CDC42SE2: variants seen among roughly 807,000 people sequenced by gnomAD.
The protein encoded by CDC42SE2 is CDC42 small effector protein 2.
CDC42SE2 carries 3 observed loss-of-function variants against 11.5 expected under a neutral mutation model. The observed-to-expected ratio is 0.26, with a 90% confidence interval of 0.12 to 0.67. CDC42SE2 has a LOEUF of 0.67. Ranked by LOEUF, CDC42SE2 falls within the 30% of genes least tolerant of loss-of-function variation. The pLI is 0.80. For synonymous variants in CDC42SE2, 33 were observed against 34.8 expected (o/e 0.95, Z 0.18); for missense variants, 82 against 106.8 (o/e 0.77, Z 1.02).
chr5:131,315,103 T>G (rs1160652125), intron 1 of CDC42SE2, among the ~76,000 whole-genome samples: 1 of 152,002 alleles, frequency 6.6e-6, no homozygotes. Flanking sequence ...ATGGTGTGAT[T>G]TGTTGAGATG....
chr5:131,229,023 G>T, the CDC42SE2 span, among the ~76,000 whole-genome samples: 2 of 152,144 alleles, frequency 1.3e-5, no homozygotes, highest in African/African-American at 2.4e-5. Flanking sequence ...ACAATCCTGA[G>T]GTTCTTTCAG....
chr5:131,310,869 C>T (rs1757891900), intron 1 of CDC42SE2, among the ~76,000 whole-genome samples: 1 of 152,004 alleles, frequency 6.6e-6, no homozygotes, highest in South Asian at 2.1e-4. Flanking sequence ...CTGAATACAG[C>T]ACACTGATGG....
intron 1 of CDC42SE2, among the ~76,000 whole-genome samples, chr5:131,270,753 C>T (rs1013488940): frequency 6.6e-6 from 1 of 152,162 alleles, no homozygotes; most frequent in African/African-American, 2.4e-5. Flanking sequence ...TTAAAAGGTA[C>T]AGTATAGTAG....
chr5:131,335,590 G>A (rs1030294433), intron 2 of CDC42SE2, among the ~76,000 whole-genome samples: 1 of 152,134 alleles, frequency 6.6e-6, no homozygotes, highest in Non-Finnish European at 1.5e-5. Flanking sequence ...CGTTATTATC[G>A]TGTGGGAATC....
chr5:131,349,402 A>C (rs886800214), intron 2 of CDC42SE2, among the ~76,000 whole-genome samples: 3 of 152,088 alleles, frequency 2.0e-5, no homozygotes, highest in Non-Finnish European at 2.9e-5. Flanking sequence ...TGATGAGTTA[A>C]CGAGTGCAGC....
chr5:131,320,793 G>C (rs1411784290), intron 2 of CDC42SE2, among the ~76,000 whole-genome samples: 1 of 152,140 alleles, frequency 6.6e-6, no homozygotes, highest in African/African-American at 2.4e-5. Context: ...AATTCTGGTA[G>C]ATAGATCAGT....
rs186480495 is a variant in CDC42SE2 at position 131,337,007 on chromosome 5, G to T, written c.-286+20863G>T. ...TCTGTCCAGCTTTGTTCCGTTGCTG[G>T]TGAGGAGCTGCGTTCCTTTGGAGGA... On this transcript the variant is annotated intron_variant, in intron 2 of 4. Transcript: ENST00000505065. Among the ~76,000 whole-genome samples the T allele has an allele frequency of 7.5e-3, 1,143 of 152,312 alleles. 45 individuals carry two copies. Among genetic ancestry groups the T allele is most frequent in the Admixed American group, 0.066 (1,013 of 15,292 alleles).
chr5:131,390,008 C>G (rs1217970985), intron 4 of CDC42SE2, among the ~76,000 whole-genome samples: 1 of 152,122 alleles, frequency 6.6e-6, no homozygotes, highest in African/African-American at 2.4e-5. Context: ...CTTTATGTGC[C>G]TTTGTTTCAG....
At chr5:131,329,199 G>A (rs2149739818) in intron 2 of CDC42SE2, among the ~76,000 whole-genome samples, 1 of 152,314 alleles carries the variant, frequency 6.6e-6, no homozygotes, top group South Asian at 2.1e-4. Context: ...GGGAGGGAAA[G>A]GCAAAATCTT....
At chr5:131,331,503 G>A (rs970755570) in intron 2 of CDC42SE2, among the ~76,000 whole-genome samples, 3 of 152,048 alleles carry the variant, frequency 2.0e-5, no homozygotes, top group Non-Finnish European at 4.4e-5. Flanking sequence ...GGATAATACC[G>A]CTTAGGATTA....
chr5:131,352,287 A>G (rs1280754591), intron 2 of CDC42SE2, among the ~76,000 whole-genome samples: 1 of 152,226 alleles, frequency 6.6e-6, no homozygotes, highest in East Asian at 1.9e-4. Flanking sequence ...AGCTGGAAAA[A>G]CATTAATATC....
the CDC42SE2 span, among the ~76,000 whole-genome samples, chr5:131,235,253 T>C: frequency 1.1e-4 from 16 of 151,916 alleles, no homozygotes; most frequent in East Asian, 1.9e-4. Flanking sequence ...ATTCAAATGC[T>C]AATCTCTTCC....
the CDC42SE2 span, among the ~76,000 whole-genome samples, chr5:131,225,620 G>A: frequency 2.0e-5 from 3 of 152,132 alleles, no homozygotes; most frequent in African/African-American, 4.8e-5. Flanking sequence ...TCTATGTTCC[G>A]CCAAGGCTCC....
intron 2 of CDC42SE2, among the ~76,000 whole-genome samples, chr5:131,329,230 CTCTTT>C (rs1245467248): frequency 6.6e-6 from 1 of 152,220 alleles, no homozygotes; most frequent in African/African-American, 2.4e-5. Context: ...TAGCATATCT[CTCTTT>C]TAAGTCCTAC....
At chr5:131,281,283 T>C (rs1757234120) in intron 1 of CDC42SE2, among the ~76,000 whole-genome samples, 1 of 152,178 alleles carries the variant, frequency 6.6e-6, no homozygotes, top group Non-Finnish European at 1.5e-5. Context: ...ACTTCCTGAA[T>C]GGTGTATATG....
the CDC42SE2 span, among the ~76,000 whole-genome samples, chr5:131,218,174 CAAAAAA>C: frequency 5.4e-5 from 4 of 74,756 alleles, no homozygotes; most frequent in African/African-American, 7.3e-5. Context: ...GACCCTGTCT[CAAAAAA>C]AAAAAAAAAA....
intron 1 of CDC42SE2, among the ~76,000 whole-genome samples, chr5:131,267,026 T>C (rs1396799952): frequency 7.2e-6 from 1 of 139,844 alleles, no homozygotes; most frequent in Non-Finnish European, 1.5e-5. Context: ...TGCGTTAAAA[T>C]ATATTTTTCC....
At chr5:131,350,834 C>G (rs1023990189) in intron 2 of CDC42SE2, among the ~76,000 whole-genome samples, 2 of 152,040 alleles carry the variant, frequency 1.3e-5, no homozygotes, top group Non-Finnish European at 1.5e-5. Context: ...AGACAAATGA[C>G]TACCTTGCTT....
At chr5:131,347,870 A>ATC (rs1226329124) in intron 2 of CDC42SE2, among the ~76,000 whole-genome samples, 6 of 152,360 alleles carry the variant, frequency 3.9e-5, no homozygotes, top group African/African-American at 1.4e-4. Context: ...AACGTAATCC[A>ATC]TCATATAAAC....
Sources: allele counts gnomAD v4.1 joint callset (sites outside exome capture counted in the v4.1 genomes callset), GRCh38; gene constraint gnomAD v4.1.1; transcripts MANE v1.5; gene names NCBI Gene and HGNC (gene_info 2026-07-23, HGNC 2026-07-21).